The following ANKRD24 variants were observed in gnomAD, a reference collection of about 807,000 sequenced individuals.
ANKRD24 encodes the protein ankyrin repeat domain 24, also known as ankyrin repeat domain-containing protein 24.
A neutral mutation model predicts 127.8 loss-of-function variants in ANKRD24; 109 were observed. The ratio of observed to expected loss-of-function variants is 0.85; its 90% CI spans 0.73 to 1.00. The LOEUF (loss-of-function observed/expected upper bound fraction) is 1.00. Among genes scored for constraint, ANKRD24 ranks in the 50% least tolerant of loss-of-function variants. ANKRD24 has a pLI of 0.00. For missense variants in ANKRD24, 1,648 were observed against 1,570.2 expected, an observed-to-expected ratio of 1.05 and a Z score of -0.84; for synonymous variants, 743 against 671.1, an observed-to-expected ratio of 1.11 and a Z score of -1.66.
At position 4,216,341 on chromosome 19, in the gene ANKRD24, C is replaced by T. The variant is rs200622216; in HGVS notation, c.1328C>T (p.Ser443Leu). The change falls in exon 17 of 22, where the codon TCG (serine) becomes TTG (leucine). Residue 443 changes from serine (S) to leucine (L), a missense_variant. Ser to Leu is a moderately radical substitution (Grantham distance 145). Coordinates refer to ENST00000318934, the MANE Select transcript of ANKRD24 (RefSeq NM_001393985.1). ...CCGTCGGCCCAGGAACACCTGGCCTCGCTGCAGGAACAGGTGGCTGTGCTC... is the reference window on the plus strand; with the variant it reads ...CCGTCGGCCCAGGAACACCTGGCCTTGCTGCAGGAACAGGTGGCTGTGCTC... ...LSPSAQEHLA[S>L]LQEQVAVLTR... is the part of the protein sequence containing the mutation. 837 of 1,571,446 alleles carry T rather than the reference C, an allele frequency of 5.3e-4. 4 individuals are homozygous for T. In the African/African-American group the frequency reaches 9.3e-3, roughly 18 times the overall value.
At chr19:4,183,789 C>G (rs977269674) in intron 1 of ANKRD24, among the ~76,000 whole-genome samples, 3 of 152,078 alleles carry the variant, frequency 2.0e-5, no homozygotes, top group Non-Finnish European at 4.4e-5. Context: ...GGCCTGTAAT[C>G]GCAGCTGCTC....
Position 4,217,693 on chromosome 19 carries a change from G to A in ANKRD24, c.2533G>A (p.Glu845Lys), listed in dbSNP as rs1343876332. The A allele has an allele frequency of 5.4e-6, 7 of 1,289,618 alleles. No individual in the cohort carries two copies. In the East Asian group the frequency reaches 2.3e-4, roughly 43 times the overall value. 79.9% of individuals were successfully genotyped at this position (1,289,618 alleles called of 1,614,324 possible). A position where few individuals can be genotyped will look rare whatever the true frequency, so the allele number is the denominator to read the frequency against. ...GGCCCAGCGGGAGGAGGCGCGGCTG[G>A]AGCAGAGCCGGGAGCTGGAGGTTCT... ...ELAQREEARL[E>K]QSRELEVLRE... Residue 845 changes from glutamate (E) to lysine (K), a missense_variant, in exon 18 of 22, where the codon GAG becomes AAG. Glu to Lys is a moderately conservative substitution (Grantham distance 56, BLOSUM62 1). Transcript: ENST00000318934.
At chr19:4,210,484 A>C in intron 13 of ANKRD24, 112 bp downstream of exon 13, 1 of 988,460 alleles carries the variant, frequency 1.0e-6, no homozygotes, top group Non-Finnish European at 1.5e-6. Context: ...CTCCCTCCCC[A>C]CCCTGCTGCA....
intron 2 of ANKRD24, among the ~76,000 whole-genome samples, chr19:4,193,262 A>G (rs940902339): frequency 7.0e-6 from 1 of 142,424 alleles, no homozygotes; most frequent in African/African-American, 2.7e-5. Flanking sequence ...AGATCCCTCC[A>G]CTGCACTCCA....
chr19:4,222,707 A>G lies in ANKRD24; in HGVS notation c.3209A>G (p.Glu1070Gly). ...ELSKEVFNLK[E>G]ALKEQPAALA... Reference sequence around the variant, plus strand: ...TCCAAAGAAGTCTTCAATCTTAAGGAAGCCTTGAAGGAGCAGCCGGCCGCC... The same window carrying G: ...TCCAAAGAAGTCTTCAATCTTAAGGGAGCCTTGAAGGAGCAGCCGGCCGCC... Residue 1070 changes from glutamate to glycine, a missense_variant, in exon 20 of 22, where the codon GAA becomes GGA. Glu to Gly is a moderately conservative substitution (Grantham distance 98). Transcript: ENST00000318934. 1 of 1,612,212 alleles carries G rather than the reference A, an allele frequency of 6.2e-7. No homozygotes were observed. The highest frequency in any genetic ancestry group is 8.5e-7 in the Non-Finnish European group (1 of 1,178,844).
At chr19:4,196,563 C>T (rs558912553) in intron 2 of ANKRD24, among the ~76,000 whole-genome samples, 2 of 152,064 alleles carry the variant, frequency 1.3e-5, no homozygotes, top group African/African-American at 4.8e-5. Context: ...TTAGTAGAGA[C>T]GAAGTTTCAC....
intron 19 of ANKRD24, among the ~76,000 whole-genome samples, chr19:4,221,170 C>T (rs545796280): frequency 6.6e-6 from 1 of 151,898 alleles, no homozygotes; most frequent in African/African-American, 2.4e-5. Flanking sequence ...CCTCACCTCC[C>T]GGGTTCAAGA....
At position 4,199,549 on chromosome 19, in the gene ANKRD24, G is replaced by T; in HGVS notation, c.37-134G>T. 1 of 1,428,506 alleles carries T rather than the reference G, an allele frequency of 7.0e-7. No homozygotes were observed. The allele number at this position is 1,428,506 out of a possible 1,614,324, so 88.5% of individuals were successfully genotyped here. A position where few individuals can be genotyped will look rare whatever the true frequency, so the allele number is the denominator to read the frequency against. On this transcript the variant is annotated intron_variant, in intron 2 of 21. Coordinates refer to ENST00000318934, the MANE Select transcript of ANKRD24 (RefSeq NM_001393985.1). The surrounding 1 kb of genome is among the most constrained non-coding windows in gnomAD (Gnocchi z 5.2). Reference sequence around the variant, plus strand: ...TTTTGGAAATAGATGCCAGGGGGCTGCTCAGGGGATGATGCTGGTGGTGGG... The same window carrying T: ...TTTTGGAAATAGATGCCAGGGGGCTTCTCAGGGGATGATGCTGGTGGTGGG...
At chr19:4,182,842 C>G in intron 1 of ANKRD24, 102 bp downstream of exon 1, 1 of 679,602 alleles carries the variant, frequency 1.5e-6, no homozygotes, top group South Asian at 6.6e-5. Flanking sequence ...ATGCGGGACA[C>G]AGGCTATCCA....
chr19:4,206,167 A>G (rs1478571314), intron 7 of ANKRD24, among the ~76,000 whole-genome samples: 2 of 150,068 alleles, frequency 1.3e-5, no homozygotes, highest in African/African-American at 2.4e-5. Flanking sequence ...AAATAAATAA[A>G]TAAATAAATA....
Position 4,216,358 on chromosome 19 carries a change from G to A in ANKRD24, c.1345G>A (p.Ala449Thr), listed in dbSNP as rs770817034. 2 of 1,573,778 alleles carry A rather than the reference G, an allele frequency of 1.3e-6. No individual in the cohort carries two copies. The highest frequency in any genetic ancestry group is 4.7e-5 in the East Asian group (2 of 42,600). The change falls in exon 17 of 22, where the codon GCT (alanine) becomes ACT (threonine). Residue 449 changes from alanine (A) to threonine (T), a missense_variant. By Grantham distance (58) the Ala-to-Thr change is moderately conservative. Coordinates refer to ENST00000318934, the MANE Select transcript of ANKRD24 (RefSeq NM_001393985.1). ...EHLASLQEQV[A>T]VLTRQNQELM... Reference sequence around the variant, plus strand: ...CCTGGCCTCGCTGCAGGAACAGGTGGCTGTGCTCACCAGACAGAACCAGGA... The same window carrying A: ...CCTGGCCTCGCTGCAGGAACAGGTGACTGTGCTCACCAGACAGAACCAGGA...
chr19:4,208,648 C>A, intron 10 of ANKRD24, 116 bp from the exon 11 acceptor site: 1 of 1,015,636 alleles, frequency 9.8e-7, no homozygotes, highest in Non-Finnish European at 1.5e-6. Context: ...AGATTTCTAC[C>A]TTAAACGCCC....
At position 4,195,220 on chromosome 19, in the gene ANKRD24, C is replaced by A. The variant is rs549425427; in HGVS notation, c.37-4463C>A. Among the ~76,000 whole-genome samples the A allele has an allele frequency of 1.3e-5, 2 of 151,640 alleles. No individual in the cohort carries two copies. Among genetic ancestry groups the A allele is most frequent in the Admixed American group, 6.6e-5 (1 of 15,216 alleles). ...CCCGAGTAGCTGGGACTACAGGCGC[C>A]CACCACCACGCCCGGCTAATTTTTT... On this transcript the variant is annotated intron_variant, in intron 2 of 21. Coordinates refer to ENST00000318934, the MANE Select transcript of ANKRD24 (RefSeq NM_001393985.1). The surrounding 1 kb of genome is among the most constrained non-coding windows in gnomAD (Gnocchi z 4.2).
chr19:4,207,451 TC>T (rs1443675558), intron 8 of ANKRD24, 49 bp from the exon 9 acceptor site: 1 of 1,592,874 alleles, frequency 6.3e-7, no homozygotes, highest in East Asian at 2.2e-5. Flanking sequence ...CTTCTGCACC[TC>T]CCGGGGGTCA....
chr19:4,217,052 A>G lies in ANKRD24; in HGVS notation c.1892A>G (p.Glu631Gly). The G allele has an allele frequency of 6.2e-7, 1 of 1,613,914 alleles. No homozygotes were observed. The highest frequency in any genetic ancestry group is 8.5e-7 in the Non-Finnish European group (1 of 1,179,902). Residue 631 changes from glutamate (E) to glycine (G), a missense_variant, in exon 18 of 22, where the codon GAG becomes GGG. Transcript: ENST00000318934. Reference sequence around the variant, plus strand: ...ACAGGAGCTCAGGCCACAGACACAGAGACCACGGGAGTGGAGGCCATGGGG... The same window carrying G: ...ACAGGAGCTCAGGCCACAGACACAGGGACCACGGGAGTGGAGGCCATGGGG... Reference protein sequence around the residue: ...KPTGAQATDTETTGVEAMGVE... With the variant: ...KPTGAQATDTGTTGVEAMGVE...
chr19:4,185,276 A>G (rs1274820424), intron 1 of ANKRD24, among the ~76,000 whole-genome samples: 1 of 150,008 alleles, frequency 6.7e-6, no homozygotes, highest in Non-Finnish European at 1.5e-5. Context: ...ATGAAGAACC[A>G]TGAGAACATG....
intron 13 of ANKRD24, 25 bp downstream of exon 13, chr19:4,210,397 C>T (rs765333087): frequency 1.7e-5 from 24 of 1,442,096 alleles, no homozygotes; most frequent in East Asian, 1.3e-4. Context: ...GAGATTTGGG[C>T]GTGGGCCAGC....
chr19:4,202,050 C>T lies in ANKRD24; in HGVS notation c.368C>T (p.Ala123Val). 6.2e-7 allele frequency: 1 copy of T among 1,613,858 alleles called. No homozygotes were observed. Residue 123 changes from alanine (A) to valine (V), a missense_variant, in exon 6 of 22, where the codon GCC (alanine) becomes GTC (valine). Coordinates refer to ENST00000318934, the MANE Select transcript of ANKRD24 (RefSeq NM_001393985.1). ...GAGYNALHLAAKYGHPQCLKQ... is the reference protein window; with the variant it reads ...GAGYNALHLAVKYGHPQCLKQ... ...GGTTACAATGCCCTCCACCTGGCCG[C>T]CAAATACGGGCACCCACAGTGCTTG...
At position 4,186,381 on chromosome 19, in the gene ANKRD24, C is replaced by G; in HGVS notation, c.-36-9C>G. The G allele has an allele frequency of 6.4e-7, 1 of 1,566,616 alleles. No homozygotes were observed. Among genetic ancestry groups the G allele is most frequent in the Non-Finnish European group, 8.7e-7 (1 of 1,155,866 alleles). On this transcript the variant is annotated splice_polypyrimidine_tract_variant and intron_variant, in intron 1 of 21. Coordinates refer to ENST00000318934, the MANE Select transcript of ANKRD24 (RefSeq NM_001393985.1). ...TCCCTCACCTTACCCCCACCCTTGC[C>G]CTCCTCAGGTGGCCTGTGGAGAGGA...
Sources: gnomAD v4.1 joint callset for allele counts (sites outside exome capture counted in the v4.1 genomes callset) on GRCh38, gnomAD v4.1.1 for gene constraint, Gnocchi (gnomAD v3.1) non-coding constraint, MANE v1.5 for transcripts, NCBI Gene and HGNC (gene_info 2026-07-23, HGNC 2026-07-21) for gene names.